UBE2W: variants seen among roughly 807,000 people sequenced by gnomAD.
UBE2W encodes the protein ubiquitin conjugating enzyme E2 W, also known as ubiquitin-conjugating enzyme E2 W.
Under a neutral mutation model 27.2 loss-of-function variants are expected in UBE2W, and 18 were observed. The observed-to-expected ratio is 0.66, with a 90% CI of 0.46 to 0.98. The LOEUF (loss-of-function observed/expected upper bound fraction) is 0.98, where lower values mean the gene tolerates loss of function less well. Among genes scored for constraint, UBE2W ranks in the 50% least tolerant of loss-of-function variants. UBE2W has a pLI of 0.00. For missense variants in UBE2W, 90 were observed against 180.2 expected (o/e 0.50, Z 2.87); for synonymous variants, 53 against 57.2 (o/e 0.93, Z 0.33).
intron 1 of UBE2W, among the ~76,000 whole-genome samples, chr8:73,844,702 G>A (rs1034451572): frequency 6.6e-6 from 1 of 151,806 alleles, no homozygotes; most frequent in African/African-American, 2.4e-5. Context: ...AGGAAGTGAG[G>A]AGCGTCTCTG....
intron 1 of UBE2W, among the ~76,000 whole-genome samples, chr8:73,847,850 C>T (rs1810880982): frequency 6.6e-6 from 1 of 151,570 alleles, no homozygotes. Flanking sequence ...TGCCATGAGC[C>T]AAGATTGTGC....
At chr8:73,831,379 C>G (rs1810056263) in intron 1 of UBE2W, 1 of 170,244 alleles carries the variant, frequency 5.9e-6, no homozygotes, top group African/African-American at 2.4e-5. Context: ...CCAGTAAGGC[C>G]TCGCCACAAG....
At chr8:73,782,818 A>G (rs897470436), downstream of UBE2W, among the ~76,000 whole-genome samples, 16 of 152,326 alleles carry the variant, frequency 1.1e-4, no homozygotes, top group African/African-American at 3.6e-4. Context: ...TATAGTAGGT[A>G]TGTGCATAAC....
chr8:73,793,593 T>C lies in UBE2W; in HGVS notation c.*509A>G, dbSNP rs1470855541. 4 of 986,006 alleles carry C rather than the reference T, an allele frequency of 4.1e-6. No homozygotes were observed. The highest frequency in any genetic ancestry group is 3.5e-5 in the African/African-American group (2 of 57,252). 61.1% of individuals were successfully genotyped at this position (986,006 alleles called of 1,614,324 possible). ...AGGATCACAGTGCATAGAATCCAAA[T>C]ATAAACAGTTGGGGTGACTTTTAAA... On this transcript the variant is annotated 3_prime_UTR_variant, in exon 6 of 6. Coordinates refer to ENST00000602593, the MANE Select transcript of UBE2W (RefSeq NM_018299.6).
chr8:73,781,360 A>T (rs1353331253), downstream of UBE2W, among the ~76,000 whole-genome samples: 1 of 152,014 alleles, frequency 6.6e-6, no homozygotes, highest in Non-Finnish European at 1.5e-5. Context: ...CATCACACTA[A>T]ATATTTCACT....
chr8:73,859,663 C>G (rs550182349), intron 1 of UBE2W, among the ~76,000 whole-genome samples: 24 of 152,144 alleles, frequency 1.6e-4, no homozygotes, highest in Admixed American at 1.6e-3. Flanking sequence ...GCTATTAGTA[C>G]TTAAGTTTTT....
At chr8:73,849,178 C>T in intron 1 of UBE2W, among the ~76,000 whole-genome samples, 1 of 152,012 alleles carries the variant, frequency 6.6e-6, no homozygotes, top group East Asian at 1.9e-4. Flanking sequence ...TAAAAAATAA[C>T]AGTAAAATAA....
intron 4 of UBE2W, among the ~76,000 whole-genome samples, chr8:73,809,795 T>C (rs574244144): frequency 6.6e-6 from 1 of 152,228 alleles, no homozygotes; most frequent in African/African-American, 2.4e-5. Flanking sequence ...GGCCAGCTGG[T>C]CTCGAACTCC....
Position 73,830,497 on chromosome 8 carries a change from T to C in UBE2W, c.16-25A>G, listed in dbSNP as rs141982761. On this transcript the variant is annotated intron_variant, in intron 1 of 5. Coordinates refer to ENST00000602593, the MANE Select transcript of UBE2W (RefSeq NM_018299.6). Reference sequence around the variant, plus strand: ...TCTAGAAAAGAACATCAATAATAATTTGTCCTTTTTGAGACTAGGTCTGGG... The same window carrying C: ...TCTAGAAAAGAACATCAATAATAATCTGTCCTTTTTGAGACTAGGTCTGGG... 1.2e-4 allele frequency: 191 copies of C among 1,599,020 alleles called. No homozygotes were observed. In the African/African-American group the frequency reaches 2.3e-3, roughly 19 times the overall value.
At chr8:73,806,025 C>T (rs1459647660) in intron 4 of UBE2W, among the ~76,000 whole-genome samples, 2 of 151,922 alleles carry the variant, frequency 1.3e-5, no homozygotes, top group African/African-American at 4.8e-5. Context: ...CATGGTGGTG[C>T]GTGCCTGTAA....
At position 73,789,341 on chromosome 8, in the gene UBE2W, A is replaced by AAAAAAAAAAC. The variant is rs1808097668; in HGVS notation, c.*4760_*4761insGTTTTTTTTT. The AAAAAAAAAAC allele has an allele frequency of 3.6e-6, 1 of 274,044 alleles. No homozygotes were observed. The highest frequency in any genetic ancestry group is 5.3e-6 in the Non-Finnish European group (1 of 188,104). 17.0% of individuals were successfully genotyped at this position (274,044 alleles called of 1,614,324 possible). ...AAAAAAAAAAAAAAAAAAAAAAAAA[A>AAAAAAAAAAC]ATTCTATCCATCCAGGCATGGTGGC... On this transcript the variant is annotated 3_prime_UTR_variant, in exon 6 of 6. Coordinates refer to ENST00000602593, the MANE Select transcript of UBE2W (RefSeq NM_018299.6).
chr8:73,848,145 G>A (rs1042964782), intron 1 of UBE2W, among the ~76,000 whole-genome samples: 7 of 152,164 alleles, frequency 4.6e-5, no homozygotes, highest in Non-Finnish European at 8.8e-5. Context: ...AGGTTGCAGT[G>A]AGCCAAGATC....
chr8:73,792,959 A>G lies in UBE2W; in HGVS notation c.*1143T>C. The G allele has an allele frequency of 2.0e-6, 2 of 985,662 alleles. No individual in the cohort carries two copies. The highest frequency in any genetic ancestry group is 2.4e-6 in the Non-Finnish European group (2 of 829,732). The allele number at this position is 985,662 out of a possible 1,614,324, so 61.1% of individuals were successfully genotyped here. A position where few individuals can be genotyped will look rare whatever the true frequency, so the allele number is the denominator to read the frequency against. On this transcript the variant is annotated 3_prime_UTR_variant, in exon 6 of 6. Coordinates refer to ENST00000602593, the MANE Select transcript of UBE2W (RefSeq NM_018299.6). ...ATAAAAATGTCCACACTCTTTTGTT[A>G]AAACATTAAGCCTCTGTCAAAAATG...
chr8:73,802,195 A>G (rs1808675039), intron 5 of UBE2W, among the ~76,000 whole-genome samples: 1 of 152,202 alleles, frequency 6.6e-6, no homozygotes, highest in South Asian at 2.1e-4. Flanking sequence ...CTGCTTCCTT[A>G]AAGGATTACA....
chr8:73,835,230 T>C (rs1038045571), intron 1 of UBE2W, among the ~76,000 whole-genome samples: 5 of 139,096 alleles, frequency 3.6e-5, no homozygotes, highest in Admixed American at 2.0e-4. Flanking sequence ...AAGGGTTCTA[T>C]AGAAAAAAAA....
chr8:73,800,494 C>T (rs1040077274), intron 5 of UBE2W, among the ~76,000 whole-genome samples: 1 of 151,714 alleles, frequency 6.6e-6, no homozygotes, highest in African/African-American at 2.4e-5. Context: ...TGGAGTAGAA[C>T]AGTCATAATT....
intron 1 of UBE2W, among the ~76,000 whole-genome samples, chr8:73,844,827 T>C (rs1487231668): frequency 4.6e-5 from 7 of 150,878 alleles, no homozygotes; most frequent in African/African-American, 1.7e-4. Context: ...GGAGTGTCTC[T>C]GCACCGCCGC....
chr8:73,825,075 T>C, intron 3 of UBE2W, 72 bp downstream of exon 3: 1 of 906,390 alleles, frequency 1.1e-6, no homozygotes, highest in Non-Finnish European at 1.7e-6. Flanking sequence ...TATATGTTTT[T>C]ACTGAGTCAA....
chr8:73,802,596 A>C (rs1044257217), intron 5 of UBE2W, among the ~76,000 whole-genome samples: 3 of 152,210 alleles, frequency 2.0e-5, no homozygotes, highest in African/African-American at 4.8e-5. Context: ...TTTTGGTTAT[A>C]TTTTAAAAAT....
Sources: gnomAD v4.1 joint callset for allele counts (sites outside exome capture counted in the v4.1 genomes callset) on GRCh38, gnomAD v4.1.1 for gene constraint, MANE v1.5 for transcripts, NCBI Gene and HGNC (gene_info 2026-07-23, HGNC 2026-07-21) for gene names.